Variants in SRSF4 observed in about 807,000 individuals in gnomAD.
SRSF4 encodes the protein serine/arginine-rich splicing factor 4.
In SRSF4, 12 loss-of-function variants were observed where a neutral mutation model predicts 48.8. The ratio of observed to expected loss-of-function variants is 0.25; its 90% CI spans 0.16 to 0.40. The LOEUF is 0.40. Among genes scored for constraint, SRSF4 ranks in the 10% least tolerant of loss-of-function variants. The pLI, the probability that SRSF4 is intolerant of heterozygous loss-of-function variation, is 1.00. For synonymous variants in SRSF4, 248 were observed against 232.5 expected (o/e 1.07, Z -0.61); for missense variants, 466 against 667.1 (o/e 0.70, Z 3.32).
chr1:29,157,733 TAG>T (rs1672522711), intron 3 of SRSF4, among the ~76,000 whole-genome samples: 2 of 152,206 alleles, frequency 1.3e-5, no homozygotes, highest in South Asian at 4.1e-4. Flanking sequence ...CTCATTTGGC[TAG>T]AGATGACTTG....
chr1:29,169,874 A>C (rs1289293327), intron 1 of SRSF4: 1 of 152,234 alleles, frequency 6.6e-6, no homozygotes, highest in African/African-American at 2.4e-5. Flanking sequence ...GGTAGAGAGG[A>C]ATCTGCATCA....
At chr1:29,150,044 T>A in intron 5 of SRSF4, 59 bp downstream of exon 5, 58 of 1,387,772 alleles carry the variant, frequency 4.2e-5, no homozygotes, top group Admixed American at 3.2e-4. Flanking sequence ...GAAAAAAAAG[T>A]GAGACAGGGT....
intron 1 of SRSF4, among the ~76,000 whole-genome samples, chr1:29,176,778 T>A (rs1050682410): frequency 2.6e-5 from 4 of 152,110 alleles, no homozygotes; most frequent in African/African-American, 7.2e-5. Context: ...AAAACAAAAA[T>A]TTTCTGGTAA....
chr1:29,181,889 A>ACGCGAGCACGCAGCT lies in SRSF4; in HGVS notation c.-138_-137insAGCTGCGTGCTCGCG. ...GGACGCAGCCGAACCCCGGCGACGT[A>ACGCGAGCACGCAGCT]CGCGAGCACGCAGCTCGCGAGCGCG... On this transcript the variant is annotated 5_prime_UTR_variant, in exon 1 of 6. Coordinates refer to ENST00000373795, the MANE Select transcript of SRSF4 (RefSeq NM_005626.5). The ACGCGAGCACGCAGCT allele has an allele frequency of 1.7e-6, 1 of 576,366 alleles. No individual in the cohort carries two copies. Among genetic ancestry groups the ACGCGAGCACGCAGCT allele is most frequent in the Non-Finnish European group, 2.6e-6 (1 of 377,398 alleles). 35.7% of individuals were successfully genotyped at this position (576,366 alleles called of 1,614,324 possible).
At chr1:29,164,758 CG>C (rs34486748) in intron 1 of SRSF4, among the ~76,000 whole-genome samples, 17,453 of 152,094 alleles carry the variant, frequency 0.11, 1,356 homozygotes, top group East Asian at 0.41. Flanking sequence ...AAGAGCCCTG[CG>C]ATACACTTTC....
rs990127054 is a variant in SRSF4, at chr1:29,148,027, A to T, written c.*383T>A. 1 of 464,756 alleles carries T rather than the reference A, an allele frequency of 2.2e-6. No homozygotes were observed. Among genetic ancestry groups the T allele is most frequent in the Non-Finnish European group, 4.3e-6 (1 of 232,912 alleles). 28.8% of individuals were successfully genotyped at this position (464,756 alleles called of 1,614,324 possible). A position where few individuals can be genotyped will look rare whatever the true frequency, so the allele number is the denominator to read the frequency against. ...ACTTAGCACTTTCACTAAATGGCAT[A>T]CATCGAAGGGCATCAATTCAAGAGC... On this transcript the variant is annotated 3_prime_UTR_variant, in exon 6 of 6. Transcript: ENST00000373795.
Position 29,149,241 on chromosome 1 carries a change from G to C in SRSF4, c.669-15C>G. On this transcript the variant is annotated splice_polypyrimidine_tract_variant and intron_variant, in intron 5 of 5. Coordinates refer to ENST00000373795, the MANE Select transcript of SRSF4 (RefSeq NM_005626.5). ...GGGAGCCCGACCTGAGGAGACATGG[G>C]ATACTGTTTGTGTCACATGTGACTT... 6.2e-7 allele frequency: 1 copy of C among 1,602,098 alleles called. No homozygotes were observed.
intron 4 of SRSF4, among the ~76,000 whole-genome samples, chr1:29,150,567 A>G (rs1261500211): frequency 6.6e-6 from 1 of 151,974 alleles, no homozygotes; most frequent in Non-Finnish European, 1.5e-5. Context: ...CCCGGCCAAG[A>G]TTTTCAATAT....
intron 1 of SRSF4, among the ~76,000 whole-genome samples, chr1:29,181,071 G>A (rs993450101): frequency 3.9e-5 from 6 of 152,178 alleles, no homozygotes; most frequent in African/African-American, 1.4e-4. Context: ...TTTCAGCACG[G>A]CAAGACGATA....
intron 4 of SRSF4, among the ~76,000 whole-genome samples, chr1:29,152,439 A>G (rs1672425538): frequency 6.6e-6 from 1 of 152,160 alleles, no homozygotes; most frequent in Non-Finnish European, 1.5e-5. Context: ...ACAAAACCTG[A>G]AAAGTCTCCA....
At chr1:29,151,041 A>G (rs907493499) in intron 4 of SRSF4, among the ~76,000 whole-genome samples, 3 of 152,176 alleles carry the variant, frequency 2.0e-5, no homozygotes, top group African/African-American at 7.2e-5. Context: ...TCCAGACTGT[A>G]GATTCTTATT....
chr1:29,151,683 C>G (rs1466369713), intron 4 of SRSF4, among the ~76,000 whole-genome samples: 2 of 152,112 alleles, frequency 1.3e-5, no homozygotes, highest in African/African-American at 4.8e-5. Flanking sequence ...ATGAATATGG[C>G]CTGGGCATTT....
rs777270445 is a variant in SRSF4, at chr1:29,148,731, C to T, written c.1164G>A (p.Ala388=). ...CCTTCTTCTTCTTCTTGCTGCTGCC[C>T]GCCTTGCTGTCTCGCTTGCTGCCTC... ...RKRGSKRDSK[A]GSSKKKKKED... Residue 388 remains alanine (A), a synonymous_variant, in exon 6 of 6, where the codon GCG becomes GCA. Transcript: ENST00000373795. 59 of 1,613,606 alleles carry T rather than the reference C, an allele frequency of 3.7e-5. No individual in the cohort carries two copies. Among genetic ancestry groups the T allele is most frequent in the South Asian group, 2.1e-4 (19 of 91,088 alleles).
At chr1:29,173,292 C>G (rs190598779) in intron 1 of SRSF4, 8 of 151,402 alleles carry the variant, frequency 5.3e-5, no homozygotes, top group African/African-American at 1.9e-4. Flanking sequence ...CGCAGGCCAA[C>G]AGGCCCGGCT....
chr1:29,181,778 C>A lies in SRSF4; in HGVS notation c.-26G>T. On this transcript the variant is annotated 5_prime_UTR_variant, in exon 1 of 6. Coordinates refer to ENST00000373795, the MANE Select transcript of SRSF4 (RefSeq NM_005626.5). Reference sequence around the variant, plus strand: ...CCCGGCAACGGCAGTGATGGCTGGCCCCGGCCCCAGCCCCCCTTAGGCGGC... The same window carrying A: ...CCCGGCAACGGCAGTGATGGCTGGCACCGGCCCCAGCCCCCCTTAGGCGGC... 1.3e-6 allele frequency: 2 copies of A among 1,549,298 alleles called. No homozygotes were observed. The highest frequency in any genetic ancestry group is 2.6e-5 in the East Asian group (1 of 38,112).
intron 4 of SRSF4, among the ~76,000 whole-genome samples, chr1:29,150,665 G>T (rs1672395979): frequency 6.6e-6 from 1 of 152,136 alleles, no homozygotes; most frequent in African/African-American, 2.4e-5. Flanking sequence ...CATCTGGATG[G>T]TTCACCTGAA....
intron 4 of SRSF4, among the ~76,000 whole-genome samples, chr1:29,151,251 C>T (rs1672403963): frequency 6.6e-6 from 1 of 152,184 alleles, no homozygotes; most frequent in South Asian, 2.1e-4. Flanking sequence ...GACCTAACTT[C>T]CAGTATATAG....
chr1:29,160,078 G>A (rs1278649728), intron 2 of SRSF4: 1 of 266,220 alleles, frequency 3.8e-6, no homozygotes, highest in South Asian at 6.6e-5. Context: ...AAAACATTGA[G>A]GTCTTTGTTA....
intron 1 of SRSF4, among the ~76,000 whole-genome samples, chr1:29,167,623 T>C (rs559802392): frequency 7.2e-4 from 109 of 152,358 alleles, no homozygotes; most frequent in African/African-American, 2.4e-3. Context: ...GACCTTGTGA[T>C]ATGGCCGCCT....
Sources: allele counts gnomAD v4.1 joint callset (sites outside exome capture counted in the v4.1 genomes callset), GRCh38; gene constraint gnomAD v4.1.1; transcripts MANE v1.5; gene names NCBI Gene and HGNC (gene_info 2026-07-23, HGNC 2026-07-21).